Variants in SORCS2 observed in about 807,000 individuals in gnomAD.
SORCS2 encodes the protein VPS10 domain-containing receptor SorCS2.
SORCS2 carries 100 observed loss-of-function variants against 141.6 expected under a neutral mutation model. The ratio of observed to expected loss-of-function variants is 0.71; its 90% CI spans 0.60 to 0.83. SORCS2 has a LOEUF of 0.83. SORCS2 is among the 40% of genes least tolerant of loss of function. SORCS2 has a pLI of 0.00. For missense variants in SORCS2, 1,646 were observed against 1,560.2 expected (o/e 1.05, Z -0.93); for synonymous variants, 789 against 676.9 (o/e 1.17, Z -2.57).
At chr4:7,493,746 G>A (rs896512220) in intron 2 of SORCS2, among the ~76,000 whole-genome samples, 1 of 152,224 alleles carries the variant, frequency 6.6e-6, no homozygotes, top group Non-Finnish European at 1.5e-5. Context: ...TGTCAGGAAA[G>A]TGGACACAAT....
At chr4:7,673,169 TC>T (rs1327765448) in intron 8 of SORCS2, among the ~76,000 whole-genome samples, 1 of 152,372 alleles carries the variant, frequency 6.6e-6, no homozygotes. Flanking sequence ...AAAAGACCAT[TC>T]TCAATATTGG....
chr4:7,471,432 G>A (rs944235968), intron 2 of SORCS2, among the ~76,000 whole-genome samples: 1 of 152,182 alleles, frequency 6.6e-6, no homozygotes, highest in African/African-American at 2.4e-5. Flanking sequence ...GACCTGCGGT[G>A]GCTGTCCAGG....
chr4:7,591,031 C>T (rs1386683340), intron 3 of SORCS2, among the ~76,000 whole-genome samples: 2 of 152,178 alleles, frequency 1.3e-5, no homozygotes, highest in Non-Finnish European at 2.9e-5. Flanking sequence ...GCATGGCTGT[C>T]ATCTCCCCAC....
chr4:7,624,012 C>T lies in SORCS2; in HGVS notation c.649-14316C>T, dbSNP rs73216649. ...GACTCACTTGCTTGGGGCCATTCAA[C>T]AAGGATAATAATAACAACTACTTCA... On this transcript the variant is annotated intron_variant, in intron 3 of 26. Coordinates refer to ENST00000507866, the MANE Select transcript of SORCS2 (RefSeq NM_020777.3). 8.9e-3 allele frequency among the ~76,000 whole-genome samples: 1,356 copies of T among 152,258 alleles called. 10 individuals are homozygous for T. Among genetic ancestry groups the T allele is most frequent in the Middle Eastern group, 0.017 (5 of 294 alleles).
Position 7,740,251 on chromosome 4 carries a change from AC to A in SORCS2, c.3469del (p.Leu1157TrpfsTer2). ...ATCAACTCCCGAGAGATGCACAGCT[AC>A]CTGGTGAGCTGATGCCACCCCAGCA... Reference protein sequence around the residue: ...LSINSREMHSYLVS With the variant: ...LSINSREMHSXLVS On this transcript the variant is annotated frameshift_variant, in exon 27 of 27. Transcript: ENST00000507866. LOFTEE classifies it high-confidence loss of function. 6.2e-7 allele frequency: 1 copy of A among 1,609,774 alleles called. No homozygotes were observed. Among genetic ancestry groups the A allele is most frequent in the Non-Finnish European group, 8.5e-7 (1 of 1,179,458 alleles).
chr4:7,570,529 A>G (rs1467835758), intron 3 of SORCS2, among the ~76,000 whole-genome samples: 1 of 152,208 alleles, frequency 6.6e-6, no homozygotes, highest in Admixed American at 6.5e-5. Flanking sequence ...TTCAAAGGGA[A>G]GCCAATCTGC....
chr4:7,327,823 C>T (rs529483275), intron 1 of SORCS2, among the ~76,000 whole-genome samples: 2 of 152,210 alleles, frequency 1.3e-5, no homozygotes, highest in East Asian at 1.9e-4. Flanking sequence ...ACCCCGCCCC[C>T]GGCAACGTTG....
At chr4:7,434,197 A>C (rs1429064504) in intron 2 of SORCS2, 6 of 1,613,850 alleles carry the variant, frequency 3.7e-6, no homozygotes. Flanking sequence ...AAACTGGAAG[A>C]GGTAGTTCTT....
intron 11 of SORCS2, among the ~76,000 whole-genome samples, chr4:7,694,806 G>A (rs1724490765): frequency 6.6e-6 from 1 of 152,070 alleles, no homozygotes; most frequent in African/African-American, 2.4e-5. Flanking sequence ...TATCTGTCTT[G>A]CACCTGCCCG....
At chr4:7,411,826 G>A (rs966215455) in intron 2 of SORCS2, among the ~76,000 whole-genome samples, 6 of 152,178 alleles carry the variant, frequency 3.9e-5, no homozygotes, top group Non-Finnish European at 7.3e-5. Flanking sequence ...AGAGGAAGTG[G>A]TAGTCATGTA....
chr4:7,561,570 A>G (rs1223983669), intron 3 of SORCS2, among the ~76,000 whole-genome samples: 1 of 96,020 alleles, frequency 1.0e-5, no homozygotes, highest in East Asian at 2.1e-4. Context: ...TCATCTACCT[A>G]CCAATCCATC....
chr4:7,287,887 T>A (rs1203713486), intron 1 of SORCS2, among the ~76,000 whole-genome samples: 1 of 152,196 alleles, frequency 6.6e-6, no homozygotes, highest in Non-Finnish European at 1.5e-5. Flanking sequence ...AAAAACAGTT[T>A]TCTGGTTTGG....
At chr4:7,571,513 C>T (rs559537592) in intron 3 of SORCS2, among the ~76,000 whole-genome samples, 48 of 151,978 alleles carry the variant, frequency 3.2e-4, no homozygotes, top group Non-Finnish European at 5.6e-4. Flanking sequence ...ATGAGGGACC[C>T]GCAAAATTCT....
chr4:7,531,461 C>T (rs537356966), intron 2 of SORCS2, 69 bp from the exon 3 acceptor site: 3 of 1,454,482 alleles, frequency 2.1e-6, no homozygotes, highest in Middle Eastern at 1.7e-4. Flanking sequence ...AGGGGCTGGA[C>T]ACCGTGTGGG....
At chr4:7,360,568 C>CTTATTT (rs1721519739) in intron 1 of SORCS2, among the ~76,000 whole-genome samples, 1 of 22,390 alleles carries the variant, frequency 4.5e-5, no homozygotes, top group East Asian at 8.1e-4. Context: ...CTCCCAGTCC[C>CTTATTT]TTCTTTTTTT....
intron 2 of SORCS2, among the ~76,000 whole-genome samples, chr4:7,462,820 T>G (rs1729391878): frequency 6.6e-6 from 1 of 150,672 alleles, no homozygotes; most frequent in Non-Finnish European, 1.5e-5. Flanking sequence ...ACTCACTATC[T>G]GCTGTCACGG....
In SORCS2 at chr4:7,714,100, C is replaced by A. The variant is rs538045792; in HGVS notation, c.1990-140C>A. ...CCAACTTGACTGCAGACATGTCACGCCCCATTATGGGCCTCAGTTTCCCCA... is the reference window on the plus strand; with the variant it reads ...CCAACTTGACTGCAGACATGTCACGACCCATTATGGGCCTCAGTTTCCCCA... On this transcript the variant is annotated intron_variant, in intron 15 of 26. Transcript: ENST00000507866. 4.2e-5 allele frequency: 53 copies of A among 1,253,856 alleles called. 1 individual carries two copies. In the South Asian group the frequency reaches 6.0e-4, roughly 14 times the overall value. 77.7% of individuals were successfully genotyped at this position (1,253,856 alleles called of 1,614,324 possible).
At chr4:7,642,376 C>G (rs1280422746) in intron 4 of SORCS2, among the ~76,000 whole-genome samples, 7 of 152,206 alleles carry the variant, frequency 4.6e-5, no homozygotes, top group Admixed American at 2.0e-4. Context: ...TGCAATTGCT[C>G]TCTAATTTAT....
chr4:7,411,602 C>T (rs1213609007), intron 2 of SORCS2, among the ~76,000 whole-genome samples: 2 of 152,112 alleles, frequency 1.3e-5, no homozygotes, highest in East Asian at 1.9e-4. Flanking sequence ...CTTAACCATC[C>T]ACCCATCATC....
Sources: allele counts gnomAD v4.1 joint callset (sites outside exome capture counted in the v4.1 genomes callset), GRCh38; gene constraint gnomAD v4.1.1; transcripts MANE v1.5; gene names NCBI Gene and HGNC (gene_info 2026-07-23, HGNC 2026-07-21).